GRM5: variants seen among roughly 807,000 people sequenced by gnomAD.
GRM5 encodes glutamate metabotropic receptor 5, also known as metabotropic glutamate receptor 5.
Under a neutral mutation model 83.1 loss-of-function variants are expected in GRM5, and 19 were observed. The observed-to-expected ratio is 0.23, with a 90% CI of 0.16 to 0.34. The LOEUF (loss-of-function observed/expected upper bound fraction) is 0.34. Among genes scored for constraint, GRM5 ranks in the 10% least tolerant of loss-of-function variants. The probability of loss-of-function intolerance (pLI) is 1.00; values close to 1 mark genes in which losing one functional copy is unlikely to be tolerated. For missense variants in GRM5, 1,160 were observed against 1,588.3 expected, an observed-to-expected ratio of 0.73 and a Z score of 4.58; for synonymous variants, 675 against 633.6, an observed-to-expected ratio of 1.07 and a Z score of -0.98.
At chr11:88,986,370 T>C (rs1334785705) in intron 2 of GRM5, among the ~76,000 whole-genome samples, 3 of 152,188 alleles carry the variant, frequency 2.0e-5, no homozygotes, top group Non-Finnish European at 4.4e-5. Flanking sequence ...GGTGTGGCTA[T>C]AAAAGGATAA....
intron 4 of GRM5, among the ~76,000 whole-genome samples, chr11:88,642,966 G>A (rs1318376062): frequency 6.6e-6 from 1 of 151,780 alleles, no homozygotes; most frequent in Non-Finnish European, 1.5e-5. Context: ...TTGTTACCTG[G>A]TTCCAAATGT....
intron 4 of GRM5, among the ~76,000 whole-genome samples, chr11:88,639,730 G>T (rs905687790): frequency 2.0e-5 from 3 of 152,004 alleles, no homozygotes; most frequent in Non-Finnish European, 4.4e-5. Context: ...TGGGACTACA[G>T]GTGCCTGCCA....
chr11:88,658,754 A>C (rs1212328711), intron 3 of GRM5, among the ~76,000 whole-genome samples: 1 of 152,198 alleles, frequency 6.6e-6, no homozygotes, highest in Non-Finnish European at 1.5e-5. Flanking sequence ...TATATTGAAA[A>C]AAATTGTTAA....
Position 88,833,206 on chromosome 11 carries a change from A to G in GRM5, c.911+16700T>C, listed in dbSNP as rs1412278576. On this transcript the variant is annotated intron_variant, in intron 3 of 9. Transcript: ENST00000305447. Reference sequence around the variant, plus strand: ...GTTGAATGGAAGAAAATATTTGCACAATGTTTCATCTGACAAGAGAGTAAT... The same window carrying G: ...GTTGAATGGAAGAAAATATTTGCACGATGTTTCATCTGACAAGAGAGTAAT... Among the ~76,000 whole-genome samples the G allele has an allele frequency of 2.0e-5, 3 of 152,278 alleles. No homozygotes were observed. In the East Asian group the frequency reaches 5.8e-4, roughly 29 times the overall value.
At chr11:88,554,185 G>A (rs1053902464) in intron 8 of GRM5, among the ~76,000 whole-genome samples, 3 of 151,864 alleles carry the variant, frequency 2.0e-5, no homozygotes, top group Non-Finnish European at 4.4e-5. Context: ...TGTATTTTTC[G>A]GCTTCTAGAG....
chr11:88,714,244 G>T (rs1289195684), intron 3 of GRM5, among the ~76,000 whole-genome samples: 1 of 151,962 alleles, frequency 6.6e-6, no homozygotes, highest in Non-Finnish European at 1.5e-5. Context: ...AAGGATACAG[G>T]CCATGTACTG....
At chr11:89,014,540 G>T (rs1177155551) in intron 2 of GRM5, among the ~76,000 whole-genome samples, 1 of 152,024 alleles carries the variant, frequency 6.6e-6, no homozygotes, top group Non-Finnish European at 1.5e-5. Context: ...TGGGGGCTCT[G>T]GGAAGTGGAG....
At chr11:88,751,017 G>A (rs1467889017) in intron 3 of GRM5, among the ~76,000 whole-genome samples, 3 of 90,950 alleles carry the variant, frequency 3.3e-5, no homozygotes, top group Non-Finnish European at 6.6e-5. Context: ...GAAACAAGAG[G>A]AAAGAAACAG....
chr11:88,518,060 TGA>T (rs1490232534), intron 9 of GRM5, among the ~76,000 whole-genome samples: 1 of 151,924 alleles, frequency 6.6e-6, no homozygotes, highest in African/African-American at 2.4e-5. Flanking sequence ...GAAACTGAGA[TGA>T]GAGAGTCATA....
chr11:88,809,713 A>G (rs561017515), intron 3 of GRM5, among the ~76,000 whole-genome samples: 25 of 152,092 alleles, frequency 1.6e-4, no homozygotes, highest in Admixed American at 6.6e-4. Context: ...ATATGACATC[A>G]TATAGGGACA....
chr11:88,742,501 C>T (rs1481164446), intron 3 of GRM5, among the ~76,000 whole-genome samples: 1 of 151,978 alleles, frequency 6.6e-6, no homozygotes, highest in Non-Finnish European at 1.5e-5. Context: ...ATGTTCTTTC[C>T]ATAATACCAC....
chr11:88,861,255 C>T (rs894850703), intron 2 of GRM5, among the ~76,000 whole-genome samples: 2 of 152,080 alleles, frequency 1.3e-5, no homozygotes, highest in Non-Finnish European at 2.9e-5. Flanking sequence ...CTCTTCTCTC[C>T]AGTCTCACTG....
chr11:88,708,199 A>G (rs1941203457), intron 3 of GRM5, among the ~76,000 whole-genome samples: 1 of 152,082 alleles, frequency 6.6e-6, no homozygotes, highest in East Asian at 1.9e-4. Context: ...CCTGCTTGCC[A>G]ACATGTTGAG....
chr11:88,810,968 A>T (rs1943579456), intron 3 of GRM5, among the ~76,000 whole-genome samples: 1 of 152,180 alleles, frequency 6.6e-6, no homozygotes, highest in Admixed American at 6.5e-5. Context: ...TTCATCTGTA[A>T]AACGGGAACA....
chr11:88,799,510 T>C (rs1943348732), intron 3 of GRM5, among the ~76,000 whole-genome samples: 1 of 152,158 alleles, frequency 6.6e-6, no homozygotes, highest in Non-Finnish European at 1.5e-5. Flanking sequence ...AATTATGTTT[T>C]ATTATGAGTG....
intron 3 of GRM5, among the ~76,000 whole-genome samples, chr11:88,667,389 C>T (rs61902898): frequency 0.12 from 18,205 of 151,964 alleles, 1,443 homozygotes; most frequent in Non-Finnish European, 0.18. Context: ...CCTACCAAAA[C>T]ACAGATTAAT....
intron 4 of GRM5, among the ~76,000 whole-genome samples, chr11:88,630,374 G>A (rs568812189): frequency 6.6e-6 from 1 of 152,216 alleles, no homozygotes; most frequent in Admixed American, 6.5e-5. Context: ...AGTATTTGCT[G>A]AAGGGATAAA....
At chr11:88,910,864 T>TA (rs1945485156) in intron 2 of GRM5, among the ~76,000 whole-genome samples, 1 of 151,752 alleles carries the variant, frequency 6.6e-6, no homozygotes, top group Admixed American at 6.6e-5. Flanking sequence ...TTGTTTCAGA[T>TA]AAAGTCCTAA....
chr11:88,615,312 G>A (rs1324226408), intron 4 of GRM5, among the ~76,000 whole-genome samples: 1 of 152,178 alleles, frequency 6.6e-6, no homozygotes. Flanking sequence ...AATACCAGAA[G>A]AGAACAAATA....
Sources: gnomAD v4.1 joint callset for allele counts (sites outside exome capture counted in the v4.1 genomes callset) on GRCh38, gnomAD v4.1.1 for gene constraint, MANE v1.5 for transcripts, NCBI Gene and HGNC (gene_info 2026-07-23, HGNC 2026-07-21) for gene names.